KIAA1217: variants seen among roughly 807,000 people sequenced by gnomAD.
The protein encoded by KIAA1217 is KIAA1217.
In KIAA1217, 88 loss-of-function variants were observed where a neutral mutation model predicts 163.9. The observed-to-expected ratio is 0.54, with a 90% CI of 0.45 to 0.64. The LOEUF is 0.64. Ranked by LOEUF, KIAA1217 falls within the 30% of genes least tolerant of loss-of-function variation. KIAA1217 has a pLI of 0.00. For missense variants in KIAA1217, 2,372 were observed against 2,475.0 expected, an observed-to-expected ratio of 0.96 and a Z score of 0.88; for synonymous variants, 903 against 923.1, an observed-to-expected ratio of 0.98 and a Z score of 0.39.
intron 2 of KIAA1217, among the ~76,000 whole-genome samples, chr10:24,325,144 G>A (rs2044704073): frequency 6.6e-6 from 1 of 152,144 alleles, no homozygotes; most frequent in Admixed American, 6.5e-5. Flanking sequence ...AAAAACTCGG[G>A]TTTCTGACTT....
At chr10:23,824,503 C>G (rs2131021293) in intron 1 of KIAA1217, among the ~76,000 whole-genome samples, 1 of 147,980 alleles carries the variant, frequency 6.8e-6, no homozygotes, top group East Asian at 2.0e-4. Context: ...TGACATGGGC[C>G]TCTAATCCCA....
chr10:24,006,229 T>C (rs1846991446), intron 1 of KIAA1217, among the ~76,000 whole-genome samples: 1 of 152,234 alleles, frequency 6.6e-6, no homozygotes, highest in Non-Finnish European at 1.5e-5. Context: ...GTTTGTGATA[T>C]GTGTTAATTG....
intron 1 of KIAA1217, among the ~76,000 whole-genome samples, chr10:23,765,103 A>G (rs1834442982): frequency 6.6e-6 from 1 of 151,824 alleles, no homozygotes; most frequent in Non-Finnish European, 1.5e-5. Flanking sequence ...ATAAACTATA[A>G]TATTATAATA....
chr10:24,032,330 G>C (rs1848221295), intron 2 of KIAA1217, among the ~76,000 whole-genome samples: 1 of 152,072 alleles, frequency 6.6e-6, no homozygotes, highest in Non-Finnish European at 1.5e-5. Flanking sequence ...TGCAATCATG[G>C]CCCACTGCAA....
intron 2 of KIAA1217, among the ~76,000 whole-genome samples, chr10:24,030,405 C>T (rs1284803885): frequency 6.6e-6 from 1 of 152,074 alleles, no homozygotes; most frequent in East Asian, 1.9e-4. Context: ...TCCCCCTTTG[C>T]TGCCTCTCTC....
intron 1 of KIAA1217, among the ~76,000 whole-genome samples, chr10:23,699,480 T>C (rs1836279539): frequency 6.6e-6 from 1 of 152,178 alleles, no homozygotes; most frequent in Non-Finnish European, 1.5e-5. Flanking sequence ...CTCTTCTCCA[T>C]TGGATGGTGC....
chr10:24,189,873 T>A (rs1275354469), intron 2 of KIAA1217, among the ~76,000 whole-genome samples: 1 of 151,898 alleles, frequency 6.6e-6, no homozygotes, highest in African/African-American at 2.4e-5. Flanking sequence ...TTTTAAAAAT[T>A]AGCTGGGTAT....
chr10:24,010,240 A>ATCATGTCTCAATAC (rs903048645), intron 2 of KIAA1217, among the ~76,000 whole-genome samples: 5 of 152,134 alleles, frequency 3.3e-5, no homozygotes, highest in Non-Finnish European at 7.4e-5. Context: ...ACAGTCAATA[A>ATCATGTCTCAATAC]AGTCTCAATG....
chr10:23,777,629 C>A, intron 1 of KIAA1217, among the ~76,000 whole-genome samples: 1 of 151,956 alleles, frequency 6.6e-6, no homozygotes, highest in Admixed American at 6.6e-5. Context: ...TTTTAAAGGT[C>A]CAACAGCTTA....
At chr10:23,949,187 TATTTGTGAATTTCACAAACC>T (rs1844210157) in intron 1 of KIAA1217, among the ~76,000 whole-genome samples, 1 of 152,198 alleles carries the variant, frequency 6.6e-6, no homozygotes. Context: ...AAAATTAAGA[TATTTGTGAATTTCACAAACC>T]GTGTGAAACC....
At chr10:24,057,499 T>G (rs1299189343) in intron 2 of KIAA1217, among the ~76,000 whole-genome samples, 3 of 152,168 alleles carry the variant, frequency 2.0e-5, no homozygotes, top group African/African-American at 7.2e-5. Context: ...ATTTTAGATA[T>G]CTCATATAAG....
intron 6 of KIAA1217, among the ~76,000 whole-genome samples, chr10:24,490,100 A>G (rs952993721): frequency 6.6e-6 from 1 of 152,184 alleles, no homozygotes; most frequent in African/African-American, 2.4e-5. Flanking sequence ...GAGTTTTTTT[A>G]TTAATATTAT....
intron 1 of KIAA1217, among the ~76,000 whole-genome samples, chr10:23,702,969 G>A (rs1176817847): frequency 6.6e-6 from 1 of 151,860 alleles, no homozygotes; most frequent in Non-Finnish European, 1.5e-5. Context: ...CTTGTGATCC[G>A]CCCGCCTCGG....
intron 2 of KIAA1217, among the ~76,000 whole-genome samples, chr10:24,372,172 C>A (rs995649542): frequency 6.6e-6 from 1 of 152,148 alleles, no homozygotes; most frequent in African/African-American, 2.4e-5. Flanking sequence ...ATCACTGAGA[C>A]AAGTATTGCC....
At chr10:23,894,269 G>A (rs1841571972) in intron 1 of KIAA1217, among the ~76,000 whole-genome samples, 1 of 151,966 alleles carries the variant, frequency 6.6e-6, no homozygotes, top group South Asian at 2.1e-4. Flanking sequence ...ATCTCCTTCA[G>A]CTGATAAGCA....
At chr10:24,451,054 C>G (rs1031314512) in intron 5 of KIAA1217, among the ~76,000 whole-genome samples, 1 of 151,884 alleles carries the variant, frequency 6.6e-6, no homozygotes, top group African/African-American at 2.4e-5. Context: ...GACCTGGTTA[C>G]AACTTACTCA....
intron 2 of KIAA1217, among the ~76,000 whole-genome samples, chr10:24,125,332 G>C (rs2063432719): frequency 8.0e-6 from 1 of 125,722 alleles, no homozygotes; most frequent in Non-Finnish European, 1.6e-5. Flanking sequence ...CTGTGTGTGT[G>C]TGTGTGTGTG....
At chr10:24,375,102 G>A (rs574561385) in intron 2 of KIAA1217, among the ~76,000 whole-genome samples, 14 of 152,260 alleles carry the variant, frequency 9.2e-5, no homozygotes, top group Admixed American at 5.9e-4. Flanking sequence ...CTCGCTGTTC[G>A]AAATATACAC....
At chr10:24,012,978 C>T (rs1357596962) in intron 2 of KIAA1217, among the ~76,000 whole-genome samples, 1 of 152,108 alleles carries the variant, frequency 6.6e-6, no homozygotes, top group Non-Finnish European at 1.5e-5. Flanking sequence ...TTCTAATACT[C>T]GCTAAAATGT....
Sources: allele counts gnomAD v4.1 joint callset (sites outside exome capture counted in the v4.1 genomes callset), GRCh38; gene constraint gnomAD v4.1.1; transcripts MANE v1.5; gene names NCBI Gene and HGNC (gene_info 2026-07-23, HGNC 2026-07-21).